The following LYG2 variants were observed in gnomAD, a reference collection of about 807,000 sequenced individuals.
LYG2 encodes the protein lysozyme g2, also known as lysozyme g-like protein 2.
A neutral mutation model predicts 22.4 loss-of-function variants in LYG2; 25 were observed. The ratio of observed to expected loss-of-function variants is 1.12; its 90% CI spans 0.81 to 1.56. The LOEUF (loss-of-function observed/expected upper bound fraction) is 1.56. LYG2 is among the 40% of genes most tolerant of loss of function. The pLI, the probability that LYG2 is intolerant of heterozygous loss-of-function variation, is 0.00. For synonymous variants in LYG2, 88 were observed against 97.0 expected, an observed-to-expected ratio of 0.91 and a Z score of 0.55; for missense variants, 266 against 269.5, an observed-to-expected ratio of 0.99 and a Z score of 0.09.
the LYG2 span, among the ~76,000 whole-genome samples, chr2:99,260,679 T>C: frequency 4.8e-4 from 73 of 152,194 alleles, 1 homozygote; most frequent in African/African-American, 1.5e-3. Context: ...CTGTAGAAAA[T>C]GAGGATACAA....
Position 99,246,865 on chromosome 2 carries a change from T to C in LYG2, c.44-45A>G, listed in dbSNP as rs764878431. 2.0e-5 allele frequency: 31 copies of C among 1,581,422 alleles called. No individual in the cohort carries two copies. In the South Asian group the frequency reaches 2.3e-4, roughly 12 times the overall value. ...CTCACATGAATCCTCTGAGAAGATA[T>C]TACTTGGGTTGCTGCAATAAACATC... On this transcript the variant is annotated intron_variant, in intron 3 of 6. Coordinates refer to ENST00000333017, the MANE Select transcript of LYG2 (RefSeq NM_175735.4).
upstream of LYG2, among the ~76,000 whole-genome samples, chr2:99,256,289 T>A (rs1179184440): frequency 6.6e-6 from 1 of 152,166 alleles, no homozygotes; most frequent in Non-Finnish European, 1.5e-5. Context: ...TAGCCTTCCA[T>A]CCCTGGAAGA....
chr2:99,256,487 C>T (rs2094036590), upstream of LYG2, among the ~76,000 whole-genome samples: 1 of 152,204 alleles, frequency 6.6e-6, no homozygotes, highest in South Asian at 2.1e-4. Flanking sequence ...CGACATTGTG[C>T]CCGTGACCCA....
chr2:99,255,812 C>T (rs1438345545), upstream of LYG2, among the ~76,000 whole-genome samples: 4 of 152,240 alleles, frequency 2.6e-5, no homozygotes, highest in African/African-American at 7.2e-5. Context: ...AACGTGAGTG[C>T]TCATTTGCCC....
chr2:99,245,299 C>G lies in LYG2; in HGVS notation c.344G>C (p.Gly115Ala). Reference protein sequence around the residue: ...ESHGGSVLQDGWDHRGLKFGL... With the variant: ...ESHGGSVLQDAWDHRGLKFGL... The stretch of plus-strand genomic sequence containing the variant: ...AAATTTAAGTCCCCTGTGGTCCCAG[C>G]CGTCTTGCAGGACAGATCCGCCATG... Residue 115 changes from glycine (G) to alanine (A), a missense_variant, in exon 5 of 7, where the codon GGC becomes GCC. Physicochemically the swap from Gly to Ala is moderately conservative, Grantham distance 60. Transcript: ENST00000333017. 1.2e-6 allele frequency: 2 copies of G among 1,609,046 alleles called. No individual in the cohort carries two copies. Among genetic ancestry groups the G allele is most frequent in the Non-Finnish European group, 1.7e-6 (2 of 1,177,492 alleles).
At chr2:99,243,519 T>G (rs1254711995) in intron 6 of LYG2, 9 of 1,518,198 alleles carry the variant, frequency 5.9e-6, no homozygotes, top group Non-Finnish European at 6.2e-6. Context: ...GATAGATAGA[T>G]AGATAGATAG....
upstream of LYG2, among the ~76,000 whole-genome samples, chr2:99,255,963 C>T (rs145436752): frequency 3.1e-4 from 47 of 152,260 alleles, no homozygotes; most frequent in African/African-American, 1.0e-3. Context: ...ATGGAAGGGA[C>T]GTTCTTGAAA....
intron 3 of LYG2, among the ~76,000 whole-genome samples, chr2:99,250,286 G>C (rs2094023740): frequency 6.6e-6 from 1 of 151,616 alleles, no homozygotes; most frequent in East Asian, 1.9e-4. Context: ...AAAGAAAATA[G>C]TCCTTAAACA....
chr2:99,256,702 T>C (rs1489927468), upstream of LYG2, among the ~76,000 whole-genome samples: 1 of 152,168 alleles, frequency 6.6e-6, no homozygotes, highest in African/African-American at 2.4e-5. Context: ...AGAATACTTA[T>C]CCTTCTGCTC....
At chr2:99,243,490 A>G in intron 6 of LYG2, 1 of 1,525,638 alleles carries the variant, frequency 6.6e-7, no homozygotes, top group Non-Finnish European at 8.8e-7. Context: ...AGGTAGGCAA[A>G]CAGATAGATA....
intron 3 of LYG2, 62 bp downstream of exon 3, chr2:99,254,156 A>T: frequency 7.1e-7 from 1 of 1,410,080 alleles, no homozygotes; most frequent in Admixed American, 1.7e-5. Flanking sequence ...CTGATTCATG[A>T]TTGTGCTGGA....
chr2:99,246,159 A>G (rs905277510), intron 4 of LYG2, among the ~76,000 whole-genome samples: 1 of 152,210 alleles, frequency 6.6e-6, no homozygotes, highest in Non-Finnish European at 1.5e-5. Flanking sequence ...CTGTTGTACT[A>G]GGAGTTAGCC....
At chr2:99,253,115 T>A (rs1022974243) in intron 3 of LYG2, among the ~76,000 whole-genome samples, 1 of 151,268 alleles carries the variant, frequency 6.6e-6, no homozygotes, top group African/African-American at 2.4e-5. Context: ...CACCAAAATC[T>A]TGCAGTATAA....
At chr2:99,256,047 A>C (rs1313201779), upstream of LYG2, among the ~76,000 whole-genome samples, 1 of 152,164 alleles carries the variant, frequency 6.6e-6, no homozygotes, top group African/African-American at 2.4e-5. Context: ...CCAGTTTCTC[A>C]GACTGCACAC....
intron 3 of LYG2, 95 bp downstream of exon 3, chr2:99,254,123 A>C: frequency 9.1e-7 from 1 of 1,098,378 alleles, no homozygotes; most frequent in Non-Finnish European, 1.4e-6. Flanking sequence ...CCACTCTTCC[A>C]TTACAGGTAA....
intron 4 of LYG2, 149 bp from the exon 5 acceptor site, chr2:99,245,607 C>G (rs1239362412): frequency 4.4e-6 from 1 of 226,538 alleles, no homozygotes; most frequent in East Asian, 7.8e-5. Context: ...GAGCCCATCT[C>G]TAATTAAAAA....
In LYG2 at chr2:99,246,830, A is replaced by G. The variant is rs764032148; in HGVS notation, c.44-10T>C. On this transcript the variant is annotated splice_polypyrimidine_tract_variant and intron_variant, in intron 3 of 6. Transcript: ENST00000333017. ...GAGCCCCTGGAAGTGCCTAGGAGGC[A>G]GAAGTGTAACTCACATGAATCCTCT... is the stretch of plus-strand genomic sequence containing the variant. 6 of 1,607,884 alleles carry G rather than the reference A, an allele frequency of 3.7e-6. No homozygotes were observed. The South Asian group carries it at 5.6e-5, about 15-fold the overall frequency.
At chr2:99,250,220 G>A (rs2094023613) in intron 3 of LYG2, among the ~76,000 whole-genome samples, 1 of 151,936 alleles carries the variant, frequency 6.6e-6, no homozygotes, top group African/African-American at 2.4e-5. Flanking sequence ...ATGCCTTCAG[G>A]TCTCTGTCCA....
intron 4 of LYG2, among the ~76,000 whole-genome samples, chr2:99,246,332 C>T (rs1574862727): frequency 6.6e-6 from 1 of 152,146 alleles, no homozygotes; most frequent in Non-Finnish European, 1.5e-5. Flanking sequence ...ACCAGGATAA[C>T]GTGATGAAGA....
Sources: gnomAD v4.1 joint callset for allele counts (sites outside exome capture counted in the v4.1 genomes callset) on GRCh38, gnomAD v4.1.1 for gene constraint, MANE v1.5 for transcripts, NCBI Gene and HGNC (gene_info 2026-07-23, HGNC 2026-07-21) for gene names.